NBR1: variants seen among roughly 807,000 people sequenced by gnomAD.
NBR1 encodes the protein NBR1 autophagy cargo receptor.
Under a neutral mutation model 115.5 loss-of-function variants are expected in NBR1, and 59 were observed. That is an observed-to-expected ratio of 0.51 (90% confidence interval 0.41 to 0.63). NBR1 has a LOEUF of 0.63. Among genes scored for constraint, NBR1 ranks in the 30% least tolerant of loss-of-function variants. The pLI, the probability that NBR1 is intolerant of heterozygous loss-of-function variation, is 0.00. For missense variants in NBR1, 1,043 were observed against 1,150.5 expected (o/e 0.91, Z 1.35); for synonymous variants, 373 against 414.7 (o/e 0.90, Z 1.22).
Position 43,189,558 on chromosome 17 carries a change from T to A in NBR1, c.481-30T>A, listed in dbSNP as rs749520500. The A allele has an allele frequency of 1.9e-6, 3 of 1,563,910 alleles. No homozygotes were observed. In the Admixed American group the frequency reaches 5.1e-5, roughly 27 times the overall value. On this transcript the variant is annotated intron_variant, in intron 7 of 20. Transcript: ENST00000590996. ...TTTTTTTCTGATATTGGAACTGAGTTTTTTCCCTACCTTCTGCTCCATATT... is the reference window on the plus strand; with the variant it reads ...TTTTTTTCTGATATTGGAACTGAGTATTTTCCCTACCTTCTGCTCCATATT...
intron 18 of NBR1, among the ~76,000 whole-genome samples, chr17:43,202,346 G>A (rs1389820642): frequency 1.3e-5 from 2 of 152,046 alleles, no homozygotes; most frequent in Non-Finnish European, 2.9e-5. Flanking sequence ...CCCCTTTCCT[G>A]ACTAGCAGTT....
At chr17:43,196,125 A>G (rs1173209797) in intron 14 of NBR1, 1 of 164,818 alleles carries the variant, frequency 6.1e-6, no homozygotes, top group East Asian at 1.8e-4. Flanking sequence ...CATCTCAAAA[A>G]AAAAAAAAAA....
At chr17:43,201,220 T>C (rs1396526348) in intron 17 of NBR1, among the ~76,000 whole-genome samples, 1 of 152,200 alleles carries the variant, frequency 6.6e-6, no homozygotes, top group Non-Finnish European at 1.5e-5. Flanking sequence ...CCTTGTTTTA[T>C]TGACTCTTCA....
At chr17:43,207,298 C>A (rs2057336334) in intron 20 of NBR1, among the ~76,000 whole-genome samples, 2 of 152,172 alleles carry the variant, frequency 1.3e-5, no homozygotes. Context: ...ATGCTTAAGT[C>A]CCTTATATAA....
chr17:43,175,386 T>C (rs2056486008), intron 1 of NBR1, among the ~76,000 whole-genome samples: 1 of 152,190 alleles, frequency 6.6e-6, no homozygotes, highest in Non-Finnish European at 1.5e-5. Context: ...TACTAGTAAG[T>C]ATTTGTTTAG....
At chr17:43,181,620 C>T (rs1224074124) in intron 5 of NBR1, among the ~76,000 whole-genome samples, 1 of 151,892 alleles carries the variant, frequency 6.6e-6, no homozygotes, top group Non-Finnish European at 1.5e-5. Flanking sequence ...GAGCCGAGAT[C>T]GTGCCACTGC....
intron 14 of NBR1, chr17:43,195,651 CA>C (rs34787155): frequency 0.52 from 60,087 of 115,546 alleles, 15,740 homozygotes; most frequent in Non-Finnish European, 0.61. Flanking sequence ...AACTCCGTCT[CA>C]AAAAAAAAAA....
chr17:43,190,456 A>C, intron 8 of NBR1, 153 bp from the exon 9 acceptor site: 5 of 719,772 alleles, frequency 6.9e-6, no homozygotes. Flanking sequence ...TCATTTTATT[A>C]ATGAGGAAAA....
intron 6 of NBR1, among the ~76,000 whole-genome samples, chr17:43,187,992 G>A (rs56301620): frequency 0.022 from 3,210 of 144,630 alleles, 60 homozygotes; most frequent in Non-Finnish European, 0.032. Context: ...CCGGGTTCAC[G>A]CCATTCTCCT....
chr17:43,171,127 G>T (rs1382278675), upstream of NBR1: 1 of 152,698 alleles, frequency 6.5e-6, no homozygotes, highest in African/African-American at 2.4e-5. Context: ...TGGCGTGGTC[G>T]TTTTGAGGGA....
rs898787715 is a variant in NBR1, at chr17:43,182,060, A to C, written c.207+1243A>C. Among the ~76,000 whole-genome samples the C allele has an allele frequency of 2.0e-5, 3 of 150,518 alleles. 1 individual carries two copies. The highest frequency in any genetic ancestry group is 7.4e-5 in the African/African-American group (3 of 40,570). Reference sequence around the variant, plus strand: ...TAAAGAGGCTGGGTCTTGCTATGTTACCCAGGCCAGCCTTGAACTGCTGGG... The same window carrying C: ...TAAAGAGGCTGGGTCTTGCTATGTTCCCCAGGCCAGCCTTGAACTGCTGGG... On this transcript the variant is annotated intron_variant, in intron 5 of 20. Transcript: ENST00000590996.
intron 16 of NBR1, among the ~76,000 whole-genome samples, chr17:43,199,209 GGACCA>G (rs1349769101): frequency 6.6e-6 from 1 of 151,874 alleles, no homozygotes; most frequent in South Asian, 2.1e-4. Context: ...CAAGCAACTG[GGACCA>G]CAGCCACATG....
At chr17:43,189,557 T>G (rs780036595) in intron 7 of NBR1, 31 bp from the exon 8 acceptor site, 2 of 1,556,596 alleles carry the variant, frequency 1.3e-6, no homozygotes, top group Admixed American at 3.4e-5. Context: ...TGGAACTGAG[T>G]TTTTTCCCTA....
Position 43,210,240 on chromosome 17 carries a change from C to A in NBR1, c.*166C>A. The A allele has an allele frequency of 1.9e-6, 1 of 523,758 alleles. No individual in the cohort carries two copies. The highest frequency in any genetic ancestry group is 7.7e-5 in the South Asian group (1 of 12,956). The allele number at this position is 523,758 out of a possible 1,614,324, so 32.4% of individuals were successfully genotyped here. ...CTGCTACAGTATTTTGGGGAGCAAA[C>A]TAAAGACCAGAACTTAAATTTTCAC... On this transcript the variant is annotated 3_prime_UTR_variant, in exon 21 of 21. Transcript: ENST00000590996.
At chr17:43,203,521 C>T (rs1429295003) in intron 19 of NBR1, among the ~76,000 whole-genome samples, 160 bp from the exon 20 acceptor site, 1 of 152,182 alleles carries the variant, frequency 6.6e-6, no homozygotes, top group East Asian at 1.9e-4. Context: ...AAACCATGAT[C>T]TGTAGCTATA....
At chr17:43,175,749 A>G (rs1464881056) in intron 1 of NBR1, 42 bp from the exon 2 acceptor site, 8 of 909,942 alleles carry the variant, frequency 8.8e-6, no homozygotes, top group Non-Finnish European at 1.4e-5. Flanking sequence ...AACCCTTTCT[A>G]ATGTGTTTTT....
intron 13 of NBR1, 125 bp from the exon 14 acceptor site, chr17:43,194,839 G>A (rs1410114971): frequency 1.4e-6 from 1 of 716,292 alleles, no homozygotes; most frequent in Non-Finnish European, 2.4e-6. Flanking sequence ...GTTTTCACTT[G>A]TCTGGGGACA....
rs1279388210 is a variant in NBR1, at chr17:43,200,484, A to G, written c.2344A>G (p.Arg782Gly). The change falls in exon 17 of 21, where the codon AGA becomes GGA. Residue 782 changes from arginine (R) to glycine (G), a missense_variant. By Grantham distance (125) the Arg-to-Gly change is moderately radical. Coordinates refer to ENST00000590996, the MANE Select transcript of NBR1 (RefSeq NM_005899.5). ...AGQEPAEAGE[R>G]LPGGENQPQE... is the part of the protein sequence containing the mutation. ...GCAGGAACCAGCTGAGGCTGGGGAA[A>G]GACTCCCTGGAGGGGAGAACCAGCC... 2.5e-6 allele frequency: 4 copies of G among 1,613,804 alleles called. No individual in the cohort carries two copies. Among genetic ancestry groups the G allele is most frequent in the East Asian group, 2.2e-5 (1 of 44,878 alleles).
chr17:43,180,882 C>A, intron 5 of NBR1, 65 bp downstream of exon 5: 1 of 1,275,796 alleles, frequency 7.8e-7, no homozygotes, highest in Non-Finnish European at 1.0e-6. Context: ...GGTTTTTTTT[C>A]TTTTTTTGAG....
Sources: allele counts gnomAD v4.1 joint callset (sites outside exome capture counted in the v4.1 genomes callset), GRCh38; gene constraint gnomAD v4.1.1; transcripts MANE v1.5; gene names NCBI Gene and HGNC (gene_info 2026-07-23, HGNC 2026-07-21).